GOLGB1: variants seen among roughly 807,000 people sequenced by gnomAD.
GOLGB1 encodes the protein golgin B1, also known as golgin subfamily B member 1.
In GOLGB1, 174 loss-of-function variants were observed where a neutral mutation model predicts 336.9. The observed-to-expected ratio is 0.52, with a 90% CI of 0.46 to 0.59. The LOEUF is 0.59. Among genes scored for constraint, GOLGB1 ranks in the 20% least tolerant of loss-of-function variants. The pLI, the probability that GOLGB1 is intolerant of heterozygous loss-of-function variation, is 0.00. For synonymous variants in GOLGB1, 1,208 were observed against 1,289.2 expected (o/e 0.94, Z 1.35); for missense variants, 3,331 against 3,645.3 (o/e 0.91, Z 2.22).
At chr3:121,734,223 C>T (rs1418703718) in intron 1 of GOLGB1, among the ~76,000 whole-genome samples, 3 of 152,046 alleles carry the variant, frequency 2.0e-5, no homozygotes, top group Non-Finnish European at 2.9e-5. Context: ...AACCCCACCT[C>T]TACTAAAAAT....
intron 13 of GOLGB1, among the ~76,000 whole-genome samples, chr3:121,693,184 G>A (rs759477780): frequency 6.6e-6 from 1 of 152,104 alleles, no homozygotes; most frequent in Non-Finnish European, 1.5e-5. Context: ...TAGTTGAAAT[G>A]GAAATGAAAA....
At position 121,719,639 on chromosome 3, in the gene GOLGB1, A is replaced by C. The variant is rs760068749; in HGVS notation, c.771+7T>G. 6.2e-7 allele frequency: 1 copy of C among 1,600,326 alleles called. No homozygotes were observed. Among genetic ancestry groups the C allele is most frequent in the East Asian group, 2.3e-5 (1 of 44,018 alleles). On this transcript the variant is annotated splice_region_variant and intron_variant, in intron 7 of 21. Transcript: ENST00000614479. ...GACAGTCATTCTACCGAGTTTTAGC[A>C]ACACACCTGTTGCATCTCTGTTTCC... is the stretch of plus-strand genomic sequence containing the variant.
chr3:121,672,560 T>C (rs1358822421), intron 17 of GOLGB1, among the ~76,000 whole-genome samples: 1 of 152,222 alleles, frequency 6.6e-6, no homozygotes, highest in East Asian at 1.9e-4. Context: ...TTTGCAAATG[T>C]TTTCTCTCAT....
chr3:121,709,053 A>G (rs1026181497), intron 10 of GOLGB1, among the ~76,000 whole-genome samples: 1 of 152,234 alleles, frequency 6.6e-6, no homozygotes, highest in African/African-American at 2.4e-5. Context: ...GAATTATTTT[A>G]TTAATGCCAG....
chr3:121,743,257 C>T (rs1309430202), intron 1 of GOLGB1, among the ~76,000 whole-genome samples: 4 of 152,164 alleles, frequency 2.6e-5, no homozygotes, highest in Admixed American at 2.6e-4. Context: ...AAATGTGGCA[C>T]ATATACACCA....
intron 14 of GOLGB1, among the ~76,000 whole-genome samples, chr3:121,682,977 T>C (rs1164225053): frequency 6.7e-6 from 1 of 149,174 alleles, no homozygotes. Flanking sequence ...GAAAAGATGG[T>C]GATGGGGGTG....
At position 121,749,730 on chromosome 3, in the gene GOLGB1, C is replaced by A. The variant is rs1947630532; in HGVS notation, c.-101G>T. 6.6e-6 allele frequency: 1 copy of A among 152,522 alleles called. No homozygotes were observed. Among genetic ancestry groups the A allele is most frequent in the Non-Finnish European group, 1.5e-5 (1 of 68,304 alleles). 9.4% of individuals were successfully genotyped at this position (152,522 alleles called of 1,614,324 possible). The stretch of plus-strand genomic sequence containing the variant: ...CGCGACACCTTCCACCGCCGCGCCC[C>A]GCCAGGGACTCAGCCACTAGCAGTT... On this transcript the variant is annotated 5_prime_UTR_variant, in exon 1 of 22. Transcript: ENST00000614479.
At chr3:121,668,282 G>T in intron 18 of GOLGB1, 124 bp from the exon 19 acceptor site, 2 of 567,948 alleles carry the variant, frequency 3.5e-6, no homozygotes, top group Non-Finnish European at 3.1e-6. Flanking sequence ...AAATTTAGAA[G>T]TGAGAAGCTT....
chr3:121,689,463 AAG>A (rs1176864599), intron 14 of GOLGB1, among the ~76,000 whole-genome samples: 1 of 146,756 alleles, frequency 6.8e-6, no homozygotes, highest in East Asian at 2.0e-4. Context: ...CATGCTCGTT[AAG>A]AGTCATCACC....
rs536948512 is a variant in GOLGB1 at position 121,666,559 on chromosome 3, T to G, written c.9554+917A>C. ...TCAAAGCTGCATATCAAGGCCTGAA[T>G]AGGTGATGAAAATTAAGAAGTTGTG... On this transcript the variant is annotated intron_variant, in intron 20 of 21. Transcript: ENST00000614479. 3.3e-4 allele frequency among the ~76,000 whole-genome samples: 50 copies of G among 152,128 alleles called. 1 individual carries two copies. Among genetic ancestry groups the G allele is most frequent in the Non-Finnish European group, 6.9e-4 (47 of 68,018 alleles).
At chr3:121,674,917 G>A (rs1019727594) in intron 17 of GOLGB1, among the ~76,000 whole-genome samples, 3 of 144,620 alleles carry the variant, frequency 2.1e-5, no homozygotes, top group Admixed American at 7.2e-5. Flanking sequence ...CTCACTGCAA[G>A]CTCCGCTTCC....
intron 4 of GOLGB1, among the ~76,000 whole-genome samples, chr3:121,728,265 G>A (rs912273436): frequency 6.6e-6 from 1 of 152,192 alleles, no homozygotes; most frequent in African/African-American, 2.4e-5. Context: ...TAGGCCCTGA[G>A]AGGAAAGACT....
intron 15 of GOLGB1, 43 bp from the exon 16 acceptor site, chr3:121,677,493 A>G: frequency 1.5e-6 from 2 of 1,376,152 alleles, no homozygotes; most frequent in Non-Finnish European, 2.1e-6. Context: ...ATATACTTGT[A>G]ACTGGGCATG....
Position 121,695,016 on chromosome 3 carries a change from G to A in GOLGB1, c.5507C>T (p.Ser1836Leu). Residue 1836 changes from serine to leucine, a missense_variant, in exon 13 of 22, where the codon TCA becomes TTA. Ser to Leu is a moderately radical substitution (Grantham distance 145). Coordinates refer to ENST00000614479, the MANE Select transcript of GOLGB1 (RefSeq NM_001366282.2). ...TAGGTAGTTATTAATTTCATCATGT[G>A]AGCTGAAATCCTTACTTACAGCAGG... ...ANPAVSKDFS[S>L]HDEINNYLQQ... The A allele has an allele frequency of 6.2e-7, 1 of 1,613,316 alleles. No homozygotes were observed.
In GOLGB1 at chr3:121,695,782, G is replaced by A; in HGVS notation, c.4741C>T (p.Leu1581=). The change falls in exon 13 of 22, where the codon CTA becomes TTA. Residue 1581 remains leucine, a synonymous_variant. Coordinates refer to ENST00000614479, the MANE Select transcript of GOLGB1 (RefSeq NM_001366282.2). ...TCCTTGTCTTCAGTAAGACCCTCTA[G>A]AGCTAGTTTTAGACTTTCACAGGAG... The part of the protein sequence containing the change: ...SSSCESLKLA[L]EGLTEDKEKL... 6.2e-7 allele frequency: 1 copy of A among 1,613,222 alleles called. No homozygotes were observed. The highest frequency in any genetic ancestry group is 8.5e-7 in the Non-Finnish European group (1 of 1,179,942).
At chr3:121,686,104 A>C (rs1941693958) in intron 14 of GOLGB1, among the ~76,000 whole-genome samples, 1 of 152,188 alleles carries the variant, frequency 6.6e-6, no homozygotes, top group South Asian at 2.1e-4. Context: ...AAAACACATT[A>C]TTATATTTAC....
chr3:121,692,759 T>C (rs1942567043), intron 13 of GOLGB1, among the ~76,000 whole-genome samples, 178 bp from the exon 14 acceptor site: 1 of 152,236 alleles, frequency 6.6e-6, no homozygotes. Context: ...ATCTACTGAG[T>C]GCTATGTATT....
intron 10 of GOLGB1, among the ~76,000 whole-genome samples, chr3:121,710,596 T>C (rs972165749): frequency 1.3e-5 from 2 of 152,214 alleles, no homozygotes; most frequent in Non-Finnish European, 2.9e-5. Context: ...TCCAGCATTT[T>C]GGGAGGCCAA....
intron 14 of GOLGB1, among the ~76,000 whole-genome samples, chr3:121,684,016 T>G (rs1165796920): frequency 6.7e-6 from 1 of 150,226 alleles, no homozygotes; most frequent in African/African-American, 2.5e-5. Context: ...TAGTCCCAGC[T>G]ACTCATTAGG....
Sources: gnomAD v4.1 joint callset for allele counts (sites outside exome capture counted in the v4.1 genomes callset) on GRCh38, gnomAD v4.1.1 for gene constraint, MANE v1.5 for transcripts, NCBI Gene and HGNC (gene_info 2026-07-23, HGNC 2026-07-21) for gene names.